RIPOR3: variants seen among roughly 807,000 people sequenced by gnomAD.
RIPOR3 encodes RIPOR family member 3, also known as family with sequence similarity 65 member C.
RIPOR3 carries 95 observed loss-of-function variants against 114.3 expected under a neutral mutation model. The observed-to-expected ratio is 0.83, with a 90% CI of 0.70 to 0.99. The LOEUF is 0.99. Among genes scored for constraint, RIPOR3 ranks in the 50% least tolerant of loss-of-function variants. The pLI is 0.00. For missense variants in RIPOR3, 1,252 were observed against 1,266.9 expected, an observed-to-expected ratio of 0.99 and a Z score of 0.18; for synonymous variants, 575 against 543.8, an observed-to-expected ratio of 1.06 and a Z score of -0.80.
chr20:50,610,980 C>T, intron 5 of RIPOR3, 74 bp from the exon 6 acceptor site: 1 of 1,604,646 alleles, frequency 6.2e-7, no homozygotes, highest in Non-Finnish European at 8.5e-7. Flanking sequence ...CCCTGCCACC[C>T]TCCTACAGGT....
intron 21 of RIPOR3, 26 bp from the exon 22 acceptor site, chr20:50,587,358 C>T (rs17788230): frequency 0.067 from 107,415 of 1,599,290 alleles, 4,106 homozygotes; most frequent in Non-Finnish European, 0.079. Flanking sequence ...GACCTGTCAG[C>T]GGGTTGGATC....
intron 1 of RIPOR3, among the ~76,000 whole-genome samples, chr20:50,666,138 A>T (rs2123482246): frequency 8.1e-6 from 1 of 123,966 alleles, no homozygotes; most frequent in East Asian, 2.7e-4. Context: ...ATTTTTCTTC[A>T]ATTCAGCCAA....
intron 3 of RIPOR3, among the ~76,000 whole-genome samples, chr20:50,619,032 G>A (rs1453931695): frequency 6.6e-6 from 1 of 152,172 alleles, no homozygotes; most frequent in Admixed American, 6.5e-5. Flanking sequence ...CCAACGTGGT[G>A]AAACCCTATC....
intron 1 of RIPOR3, among the ~76,000 whole-genome samples, chr20:50,668,967 T>C (rs1240419601): frequency 6.6e-6 from 1 of 151,844 alleles, no homozygotes; most frequent in Non-Finnish European, 1.5e-5. Flanking sequence ...TGCCCATGCA[T>C]GTATGTGTTC....
intron 20 of RIPOR3, among the ~76,000 whole-genome samples, chr20:50,588,525 G>T (rs1209689511): frequency 6.6e-6 from 1 of 152,188 alleles, no homozygotes; most frequent in Non-Finnish European, 1.5e-5. Flanking sequence ...TGTGTGGGTT[G>T]TATCAAGAGT....
At chr20:50,656,110 C>T (rs991069047) in intron 1 of RIPOR3, among the ~76,000 whole-genome samples, 2 of 151,860 alleles carry the variant, frequency 1.3e-5, no homozygotes, top group South Asian at 2.1e-4. Flanking sequence ...TGGGTTCAAG[C>T]GATTCTCCTG....
chr20:50,658,117 G>GC (rs1454849949), intron 1 of RIPOR3, among the ~76,000 whole-genome samples: 1 of 152,104 alleles, frequency 6.6e-6, no homozygotes, highest in East Asian at 1.9e-4. Context: ...AGAAGCGAAA[G>GC]CAGGGACTCT....
chr20:50,664,361 G>A (rs977225287), intron 1 of RIPOR3, among the ~76,000 whole-genome samples: 32 of 152,196 alleles, frequency 2.1e-4, no homozygotes, highest in African/African-American at 6.5e-4. Context: ...GAGCCCTCCC[G>A]CCTGTCTGCT....
chr20:50,613,493 G>A (rs1370136666), intron 4 of RIPOR3, among the ~76,000 whole-genome samples: 2 of 151,908 alleles, frequency 1.3e-5, no homozygotes, highest in Non-Finnish European at 2.9e-5. Context: ...AATAAAGAAA[G>A]AGGAAAGATC....
rs897340340 is a variant in RIPOR3, at chr20:50,691,309, G to T, written c.-181C>A. On this transcript the variant is annotated 5_prime_UTR_variant, in exon 1 of 22. Transcript: ENST00000327979. ...GCTGGTCCCGCTCTCTGGGAAGATC[G>T]CCTTGAGGACCTGCTGCGCCCCGAG... The T allele has an allele frequency of 1.1e-5, 8 of 720,376 alleles. No homozygotes were observed. The African/African-American group carries it at 1.3e-4, about 12-fold the overall frequency. 44.6% of individuals were successfully genotyped at this position (720,376 alleles called of 1,614,324 possible).
At chr20:50,654,891 A>G (rs2123423630) in intron 1 of RIPOR3, among the ~76,000 whole-genome samples, 1 of 152,146 alleles carries the variant, frequency 6.6e-6, no homozygotes, top group East Asian at 1.9e-4. Flanking sequence ...GACTACAGGC[A>G]CGCACCACCA....
At chr20:50,616,172 C>A in intron 3 of RIPOR3, 92 bp from the exon 4 acceptor site, 1 of 1,321,076 alleles carries the variant, frequency 7.6e-7, no homozygotes, top group Non-Finnish European at 1.1e-6. Context: ...ACGTGGAGAG[C>A]AGACACGGGG....
At chr20:50,649,596 C>G (rs939322557) in intron 1 of RIPOR3, among the ~76,000 whole-genome samples, 43 of 152,296 alleles carry the variant, frequency 2.8e-4, no homozygotes, top group African/African-American at 9.4e-4. Flanking sequence ...CCCCCACCCC[C>G]ACCCACAGGG....
intron 1 of RIPOR3, among the ~76,000 whole-genome samples, chr20:50,667,006 T>G (rs2086270474): frequency 6.6e-6 from 1 of 152,202 alleles, no homozygotes. Flanking sequence ...GGAATATGCT[T>G]CTATCCCTCC....
rs141147707 is a variant in RIPOR3 at position 50,616,143 on chromosome 20, C to T, written c.270-63G>A. The T allele has an allele frequency of 1.5e-5, 23 of 1,519,296 alleles. No individual in the cohort carries two copies. In the East Asian group the frequency reaches 4.9e-4, roughly 33 times the overall value. 94.1% of individuals were successfully genotyped at this position (1,519,296 alleles called of 1,614,324 possible). ...GAAGAAGAAAGGGAAAGGAAGTAGG[C>T]CAAATGGACAATGTCCCCACGTGGA... On this transcript the variant is annotated intron_variant, in intron 3 of 21. Transcript: ENST00000327979.
intron 1 of RIPOR3, among the ~76,000 whole-genome samples, chr20:50,685,888 G>T (rs549152430): frequency 6.6e-6 from 1 of 151,214 alleles, no homozygotes; most frequent in South Asian, 2.1e-4. Context: ...AATGTTTTAG[G>T]TCTTCATGGG....
At chr20:50,593,828 G>T (rs2083193003) in intron 17 of RIPOR3, among the ~76,000 whole-genome samples, 1 of 152,126 alleles carries the variant, frequency 6.6e-6, no homozygotes, top group African/African-American at 2.4e-5. Flanking sequence ...CCTTTCACTT[G>T]CTCCACAGAG....
chr20:50,680,276 T>C (rs1290783275), intron 1 of RIPOR3, among the ~76,000 whole-genome samples: 2 of 152,242 alleles, frequency 1.3e-5, no homozygotes, highest in Non-Finnish European at 2.9e-5. Flanking sequence ...ATTATTTTTA[T>C]AGCCTTTCCT....
chr20:50,619,814 C>G (rs538288587), intron 3 of RIPOR3, among the ~76,000 whole-genome samples, 172 bp downstream of exon 3: 1 of 152,182 alleles, frequency 6.6e-6, no homozygotes, highest in Non-Finnish European at 1.5e-5. Flanking sequence ...GCCCAAGGAC[C>G]GGGCTGAGCA....
Sources: gnomAD v4.1 joint callset for allele counts (sites outside exome capture counted in the v4.1 genomes callset) on GRCh38, gnomAD v4.1.1 for gene constraint, MANE v1.5 for transcripts, NCBI Gene and HGNC (gene_info 2026-07-23, HGNC 2026-07-21) for gene names.